Variants in CAMK1D observed in about 807,000 individuals in gnomAD.
CAMK1D encodes the protein calcium/calmodulin-dependent protein kinase type 1D.
Under a neutral mutation model 47.7 loss-of-function variants are expected in CAMK1D, and 9 were observed. The observed-to-expected ratio is 0.19, with a 90% CI of 0.11 to 0.33. The LOEUF (loss-of-function observed/expected upper bound fraction) is 0.33. Among genes scored for constraint, CAMK1D ranks in the 10% least tolerant of loss-of-function variants. The probability of loss-of-function intolerance (pLI) is 1.00; values close to 1 mark genes in which losing one functional copy is unlikely to be tolerated. For missense variants in CAMK1D, 291 were observed against 488.7 expected, an observed-to-expected ratio of 0.60 and a Z score of 3.81; for synonymous variants, 184 against 184.9, an observed-to-expected ratio of 0.99 and a Z score of 0.04.
chr10:12,548,024 C>T (rs1033272618), intron 1 of CAMK1D, among the ~76,000 whole-genome samples: 6 of 152,182 alleles, frequency 3.9e-5, no homozygotes, highest in East Asian at 1.9e-4. Context: ...GTGCTTGCCA[C>T]GCACACGCCC....
chr10:12,473,328 G>C (rs1020851950), intron 1 of CAMK1D, among the ~76,000 whole-genome samples: 1 of 152,132 alleles, frequency 6.6e-6, no homozygotes, highest in African/African-American at 2.4e-5. Flanking sequence ...CAGCTACTCG[G>C]AAGGCTGAGG....
intron 2 of CAMK1D, among the ~76,000 whole-genome samples, chr10:12,637,131 C>T (rs1839532803): frequency 6.6e-6 from 1 of 152,038 alleles, no homozygotes. Context: ...ACCACCATGC[C>T]CGGCTAATTG....
chr10:12,501,979 T>C (rs915440718), intron 1 of CAMK1D, among the ~76,000 whole-genome samples: 1 of 149,672 alleles, frequency 6.7e-6, no homozygotes, highest in Non-Finnish European at 1.5e-5. Flanking sequence ...CTAGGGAGAG[T>C]AGGGGAAGCC....
intron 1 of CAMK1D, among the ~76,000 whole-genome samples, chr10:12,482,817 C>G (rs116932027): frequency 6.6e-6 from 1 of 152,174 alleles, no homozygotes; most frequent in South Asian, 2.1e-4. Flanking sequence ...GATGTCACGA[C>G]GGTGCTGGAG....
intron 3 of CAMK1D, among the ~76,000 whole-genome samples, chr10:12,695,619 C>T (rs1252619475): frequency 1.3e-5 from 2 of 152,106 alleles, no homozygotes; most frequent in East Asian, 1.9e-4. Flanking sequence ...GATGCAGTGC[C>T]GTGAAAAAGT....
At chr10:12,592,662 T>C (rs999317143) in intron 2 of CAMK1D, among the ~76,000 whole-genome samples, 1 of 152,202 alleles carries the variant, frequency 6.6e-6, no homozygotes, top group African/African-American at 2.4e-5. Context: ...CACAAGTCTC[T>C]TTGGTATAAA....
At chr10:12,578,106 G>A (rs2132331102) in intron 2 of CAMK1D, among the ~76,000 whole-genome samples, 1 of 152,184 alleles carries the variant, frequency 6.6e-6, no homozygotes, top group African/African-American at 2.4e-5. Context: ...ACAGGGTCTT[G>A]CACTATTGCC....
chr10:12,499,867 G>A (rs1834648634), intron 1 of CAMK1D, among the ~76,000 whole-genome samples: 2 of 152,158 alleles, frequency 1.3e-5, no homozygotes, highest in South Asian at 4.1e-4. Flanking sequence ...GTCTATTCAA[G>A]GAGAGGGAAT....
chr10:12,722,446 CAAAAAAAAA>C (rs55809900), intron 3 of CAMK1D, among the ~76,000 whole-genome samples: 12 of 48,622 alleles, frequency 2.5e-4, no homozygotes, highest in South Asian at 1.4e-3. Context: ...GACTCCGCCT[CAAAAAAAAA>C]AAAAAAAAAA....
chr10:12,690,200 T>C (rs886676476), intron 3 of CAMK1D, among the ~76,000 whole-genome samples: 1 of 152,202 alleles, frequency 6.6e-6, no homozygotes, highest in Admixed American at 6.5e-5. Context: ...GCCAGAAATA[T>C]GTGTAGCCAC....
intron 2 of CAMK1D, among the ~76,000 whole-genome samples, chr10:12,658,293 G>A (rs1380826661): frequency 6.6e-6 from 1 of 152,160 alleles, no homozygotes; most frequent in African/African-American, 2.4e-5. Flanking sequence ...AGAGTGATGA[G>A]CACACTCAGA....
intron 1 of CAMK1D, among the ~76,000 whole-genome samples, chr10:12,540,922 G>T (rs1836147851): frequency 1.4e-5 from 2 of 145,008 alleles, no homozygotes; most frequent in African/African-American, 5.1e-5. Flanking sequence ...TGAGTTATAG[G>T]TTTTTTTTTT....
intron 1 of CAMK1D, among the ~76,000 whole-genome samples, chr10:12,371,530 C>G (rs1282781824): frequency 2.7e-5 from 4 of 147,338 alleles, no homozygotes; most frequent in African/African-American, 7.5e-5. Flanking sequence ...GAGCCGAGAT[C>G]GTGCCACTGC....
rs932323618 is a variant in CAMK1D, at chr10:12,521,491, G to T, written c.93-31734G>T. 2.6e-5 allele frequency among the ~76,000 whole-genome samples: 4 copies of T among 152,046 alleles called. No homozygotes were observed. The East Asian group carries it at 7.7e-4, about 29-fold the overall frequency. On this transcript the variant is annotated intron_variant, in intron 1 of 10. Coordinates refer to ENST00000619168, the MANE Select transcript of CAMK1D (RefSeq NM_153498.4). Reference sequence around the variant, plus strand: ...TGTGATTTTTTTTAATTTAAAGTTTGTTTTATGATAAAGTTTGATTTATAT... The same window carrying T: ...TGTGATTTTTTTTAATTTAAAGTTTTTTTTATGATAAAGTTTGATTTATAT...
At chr10:12,623,344 C>T (rs1343657001) in intron 2 of CAMK1D, among the ~76,000 whole-genome samples, 1 of 3,948 alleles carries the variant, frequency 2.5e-4, no homozygotes, top group African/African-American at 9.8e-4. Flanking sequence ...TCCTTTCTTT[C>T]CTCCCTCCCT....
chr10:12,396,590 G>C (rs142172281), intron 1 of CAMK1D, among the ~76,000 whole-genome samples: 1 of 152,332 alleles, frequency 6.6e-6, no homozygotes, highest in Non-Finnish European at 1.5e-5. Flanking sequence ...TCTCTTTTCT[G>C]TTGCTTTGCT....
At position 12,726,182 on chromosome 10, in the gene CAMK1D, T is replaced by C. The variant is rs546887574; in HGVS notation, c.300-34766T>C. Among the ~76,000 whole-genome samples the C allele has an allele frequency of 8.4e-4, 128 of 152,016 alleles. 1 individual carries two copies. Among genetic ancestry groups the C allele is most frequent in the African/African-American group, 2.9e-3 (120 of 41,512 alleles). ...GGCTCATGCCTGTAATCCCATTACT[T>C]TGGGAGGCCTAGGCGGGTGGATCAC... is the stretch of plus-strand genomic sequence containing the variant. On this transcript the variant is annotated intron_variant, in intron 3 of 10. Coordinates refer to ENST00000619168, the MANE Select transcript of CAMK1D (RefSeq NM_153498.4).
chr10:12,451,515 G>A (rs1322971788), intron 1 of CAMK1D, among the ~76,000 whole-genome samples: 2 of 152,160 alleles, frequency 1.3e-5, no homozygotes, highest in Non-Finnish European at 2.9e-5. Flanking sequence ...TCCACCCTGG[G>A]GCAGCTCTTT....
chr10:12,652,244 G>A (rs1387263046), intron 2 of CAMK1D, among the ~76,000 whole-genome samples: 1 of 151,798 alleles, frequency 6.6e-6, no homozygotes. Context: ...TTTTTTGTTT[G>A]TTTATTTTTC....
Sources: allele counts gnomAD v4.1 joint callset (sites outside exome capture counted in the v4.1 genomes callset), GRCh38; gene constraint gnomAD v4.1.1; transcripts MANE v1.5; gene names NCBI Gene and HGNC (gene_info 2026-07-23, HGNC 2026-07-21).